DYNC2I1: variants seen among roughly 807,000 people sequenced by gnomAD.
DYNC2I1 encodes dynein 2 intermediate chain 1, also known as cytoplasmic dynein 2 intermediate chain 1.
Under a neutral mutation model 133.4 loss-of-function variants are expected in DYNC2I1, and 89 were observed. The observed-to-expected ratio is 0.67, with a 90% CI of 0.56 to 0.80. The LOEUF (loss-of-function observed/expected upper bound fraction) is 0.80. DYNC2I1 is among the 30% of genes least tolerant of loss of function. The pLI is 0.00. For synonymous variants in DYNC2I1, 504 were observed against 484.3 expected (o/e 1.04, Z -0.54); for missense variants, 1,291 against 1,314.5 (o/e 0.98, Z 0.28).
chr7:158,904,858 C>T, intron 10 of DYNC2I1: 2 of 230,034 alleles, frequency 8.7e-6, no homozygotes, highest in Non-Finnish European at 1.7e-5. Context: ...CTCTGCATTG[C>T]TGGCCGTAAA....
At position 158,918,690 on chromosome 7, in the gene DYNC2I1, A is replaced by G. The variant is rs769204409; in HGVS notation, c.1792-50A>G. 44 of 1,593,830 alleles carry G rather than the reference A, an allele frequency of 2.8e-5. No homozygotes were observed. The South Asian group carries it at 4.6e-4, about 16-fold the overall frequency. ...AAAAGGTAATTTTTTTTTGGAAAAG[A>G]TAATCCATTGTGAAGTTTTTATTAA... On this transcript the variant is annotated intron_variant, in intron 14 of 24. Coordinates refer to ENST00000407559, the MANE Select transcript of DYNC2I1 (RefSeq NM_018051.5).
At position 158,893,883 on chromosome 7, in the gene DYNC2I1, A is replaced by G. The variant is rs547908176; in HGVS notation, c.1059+2550A>G. Among the ~76,000 whole-genome samples the G allele has an allele frequency of 2.0e-5, 3 of 151,630 alleles. No homozygotes were observed. In the South Asian group the frequency reaches 6.3e-4, roughly 32 times the overall value. Reference sequence around the variant, plus strand: ...ATATTGTACCACATATCATATCGTAACACATGTCACACTACATATCATACC... The same window carrying G: ...ATATTGTACCACATATCATATCGTAGCACATGTCACACTACATATCATACC... On this transcript the variant is annotated intron_variant, in intron 8 of 24. Transcript: ENST00000407559.
At chr7:158,887,523 C>T (rs1844718221) in intron 7 of DYNC2I1, among the ~76,000 whole-genome samples, 1 of 152,170 alleles carries the variant, frequency 6.6e-6, no homozygotes, top group South Asian at 2.1e-4. Flanking sequence ...ATAATAGTAA[C>T]TTTAGCACCC....
At chr7:158,852,400 A>T (rs1033732940), upstream of DYNC2I1, among the ~76,000 whole-genome samples, 7 of 151,256 alleles carry the variant, frequency 4.6e-5, no homozygotes, top group South Asian at 1.5e-3. Context: ...GATTACAGGC[A>T]TGAGCCACCG....
In DYNC2I1 at chr7:158,918,784, C is replaced by T; in HGVS notation, c.1836C>T (p.Pro612=). Residue 612 remains proline, a synonymous_variant, in exon 15 of 25, where the codon CCC becomes CCT. Transcript: ENST00000407559. ...AAGAGGATCGCTTGGCAGCTGAACCCAGCTGGAATCTTAGGGCTCAAGACA... is the reference window on the plus strand; with the variant it reads ...AAGAGGATCGCTTGGCAGCTGAACCTAGCTGGAATCTTAGGGCTCAAGACA... ...LLEEDRLAAE[P]SWNLRAQDRA... The T allele has an allele frequency of 6.2e-7, 1 of 1,613,846 alleles. No individual in the cohort carries two copies. Among genetic ancestry groups the T allele is most frequent in the African/African-American group, 1.3e-5 (1 of 75,040 alleles).
intron 4 of DYNC2I1, among the ~76,000 whole-genome samples, chr7:158,953,353 T>TAAAGTC: frequency 6.6e-6 from 1 of 152,354 alleles, no homozygotes; most frequent in Non-Finnish European, 1.5e-5. Context: ...TTCTAAAGTC[T>TAAAGTC]AAAGTCACTT....
intron 8 of DYNC2I1, among the ~76,000 whole-genome samples, chr7:158,901,417 GC>G (rs1227973248): frequency 2.0e-5 from 3 of 151,852 alleles, no homozygotes; most frequent in African/African-American, 7.3e-5. Context: ...GCACCATTCA[GC>G]GGGGAATATA....
At chr7:158,917,048 G>A (rs13307601) in intron 14 of DYNC2I1, among the ~76,000 whole-genome samples, 5 of 11,226 alleles carry the variant, frequency 4.5e-4, no homozygotes, top group Non-Finnish European at 9.1e-4. Flanking sequence ...ATTGTGAAAC[G>A]TCGACACGCT....
chr7:158,848,815 T>G, the DYNC2I1 span, among the ~76,000 whole-genome samples: 1 of 152,066 alleles, frequency 6.6e-6, no homozygotes, highest in Admixed American at 6.6e-5. Flanking sequence ...TCCCAGCTAC[T>G]TGGGAGGCTG....
At chr7:158,848,699 C>T in the DYNC2I1 span, among the ~76,000 whole-genome samples, 29 of 152,096 alleles carry the variant, frequency 1.9e-4, no homozygotes, top group South Asian at 6.2e-4. Context: ...CCGAGGCGGG[C>T]GGATCACGAG....
At chr7:158,868,544 T>C (rs892282422) in intron 1 of DYNC2I1, among the ~76,000 whole-genome samples, 11 of 152,228 alleles carry the variant, frequency 7.2e-5, no homozygotes, top group Admixed American at 4.6e-4. Flanking sequence ...GGGTTTTATC[T>C]GCGCAGCCCC....
the DYNC2I1 span, among the ~76,000 whole-genome samples, chr7:158,840,959 C>G: frequency 2.0e-4 from 30 of 152,122 alleles, no homozygotes; most frequent in African/African-American, 7.0e-4. Context: ...CACTCCCTCT[C>G]CACCAGCCCA....
intron 5 of DYNC2I1, among the ~76,000 whole-genome samples, chr7:158,881,138 C>T (rs1219852656): frequency 6.6e-6 from 1 of 152,266 alleles, no homozygotes; most frequent in Non-Finnish European, 1.5e-5. Context: ...CAGAAGCTGC[C>T]TGGCTCCCGG....
chr7:158,852,545 C>A (rs1841083784), upstream of DYNC2I1, among the ~76,000 whole-genome samples: 1 of 151,740 alleles, frequency 6.6e-6, no homozygotes. Flanking sequence ...TCGAGACCAG[C>A]CTGGCCAACA....
chr7:158,893,619 G>T (rs756033221), intron 8 of DYNC2I1, among the ~76,000 whole-genome samples: 1 of 152,114 alleles, frequency 6.6e-6, no homozygotes, highest in Non-Finnish European at 1.5e-5. Flanking sequence ...GCTGTTGCCA[G>T]CATCATAACA....
chr7:158,865,376 A>C (rs1368290396), intron 1 of DYNC2I1, among the ~76,000 whole-genome samples: 2 of 152,180 alleles, frequency 1.3e-5, no homozygotes, highest in South Asian at 2.1e-4. Context: ...CAGGGTTCTT[A>C]CTGTACAGTT....
Position 158,942,166 on chromosome 7 carries a change from G to A in DYNC2I1, c.3002+18G>A. 6.6e-7 allele frequency: 1 copy of A among 1,505,026 alleles called. No individual in the cohort carries two copies. Among genetic ancestry groups the A allele is most frequent in the South Asian group, 1.3e-5 (1 of 74,746 alleles). The allele number at this position is 1,505,026 out of a possible 1,614,324, so 93.2% of individuals were successfully genotyped here. ...CCCAACAGGCAAGTGGGGAAGCTCTGGACCAGCTGCTGGTTGTGGGGGGGC... is the reference window on the plus strand; with the variant it reads ...CCCAACAGGCAAGTGGGGAAGCTCTAGACCAGCTGCTGGTTGTGGGGGGGC... On this transcript the variant is annotated intron_variant, in intron 24 of 24. Coordinates refer to ENST00000407559, the MANE Select transcript of DYNC2I1 (RefSeq NM_018051.5).
chr7:158,954,106 G>A (rs1198310457), intron 4 of DYNC2I1, among the ~76,000 whole-genome samples: 2 of 152,078 alleles, frequency 1.3e-5, no homozygotes, highest in Admixed American at 6.6e-5. Flanking sequence ...TTTTATTAAG[G>A]GCGGTTCCCC....
chr7:158,875,635 C>T (rs1248924516), intron 3 of DYNC2I1, among the ~76,000 whole-genome samples: 2 of 152,138 alleles, frequency 1.3e-5, no homozygotes, highest in Non-Finnish European at 2.9e-5. Flanking sequence ...GCTTCAGCCT[C>T]CCCAGCCCAG....
Sources: allele counts gnomAD v4.1 joint callset (sites outside exome capture counted in the v4.1 genomes callset), GRCh38; gene constraint gnomAD v4.1.1; transcripts MANE v1.5; gene names NCBI Gene and HGNC (gene_info 2026-07-23, HGNC 2026-07-21).